Variants in DNM1 observed in about 807,000 individuals in gnomAD.
DNM1 encodes the protein dynamin 1, also known as dynamin-1.
Under a neutral mutation model 104.6 loss-of-function variants are expected in DNM1, and 29 were observed. That is an observed-to-expected ratio of 0.28 (90% confidence interval 0.21 to 0.38). The LOEUF (loss-of-function observed/expected upper bound fraction) is 0.38, where lower values mean the gene tolerates loss of function less well. Among genes scored for constraint, DNM1 ranks in the 10% least tolerant of loss-of-function variants. DNM1 has a pLI of 1.00. For missense variants in DNM1, 640 were observed against 1,189.4 expected (o/e 0.54, Z 6.79); for synonymous variants, 445 against 475.8 (o/e 0.94, Z 0.84).
intron 15 of DNM1, among the ~76,000 whole-genome samples, chr9:128,244,219 G>T (rs542587225): frequency 6.6e-6 from 1 of 151,748 alleles, no homozygotes; most frequent in East Asian, 1.9e-4. Context: ...AGGATGGGGG[G>T]AGTGTTCCAG....
Position 128,222,549 on chromosome 9 carries a change from C to T in DNM1, c.1081C>T (p.Arg361Cys). ...IDTYELSGGA[R>C]INRIFHERFP... ...CACCTACGAACTGTCAGGGGGAGCC[C>T]GCATTAACCGAATCTTCCACGAGCG... The change falls in exon 8 of 22, where the codon CGC becomes TGC. Residue 361 changes from arginine to cysteine, a missense_variant. Physicochemically the swap from Arg to Cys is radical, Grantham distance 180. Transcript: ENST00000372923. The surrounding 1 kb of genome is among the most constrained non-coding windows in gnomAD (Gnocchi z 7.8). 1 of 1,614,132 alleles carries T rather than the reference C, an allele frequency of 6.2e-7. No individual in the cohort carries two copies. Among genetic ancestry groups the T allele is most frequent in the Non-Finnish European group, 8.5e-7 (1 of 1,180,024 alleles).
Position 128,254,233 on chromosome 9 carries a change from C to A in DNM1, c.2535-421C>A. 7.3e-7 allele frequency: 1 copy of A among 1,360,614 alleles called. No homozygotes were observed. The highest frequency in any genetic ancestry group is 9.4e-7 in the Non-Finnish European group (1 of 1,066,352). 84.3% of individuals were successfully genotyped at this position (1,360,614 alleles called of 1,614,324 possible). A position where few individuals can be genotyped will look rare whatever the true frequency, so the allele number is the denominator to read the frequency against. ...CCTCCTGGTTCAAGCAGTGTTCTTT[C>A]TCTATCAGGCCTGGTGGCTGTTGCA... On this transcript the variant is annotated intron_variant, in intron 21 of 21. Coordinates refer to ENST00000372923, the MANE Select transcript of DNM1 (RefSeq NM_004408.4). The surrounding 1 kb of genome is among the most constrained non-coding windows in gnomAD (Gnocchi z 6.1).
intron 20 of DNM1, among the ~76,000 whole-genome samples, 181 bp from the exon 21 acceptor site, chr9:128,250,544 G>A (rs1370354495): frequency 6.6e-6 from 1 of 152,176 alleles, no homozygotes; most frequent in Non-Finnish European, 1.5e-5. Context: ...GCAAGGCTGG[G>A]TGGAGCTGGG....
rs966395496 is a variant in DNM1 at position 128,245,065 on chromosome 9, G to A, written c.1672-1329G>A. 6.9e-5 allele frequency: 18 copies of A among 261,674 alleles called. No individual in the cohort carries two copies. The highest frequency in any genetic ancestry group is 3.8e-4 in the African/African-American group (17 of 44,854). The allele number at this position is 261,674 out of a possible 1,614,324, so 16.2% of individuals were successfully genotyped here. A position where few individuals can be genotyped will look rare whatever the true frequency, so the allele number is the denominator to read the frequency against. ...GGCCGGCCGGCAGGAAGGGAGGGGT[G>A]GGGGGAGGAGGCCGCTCCTACCTAG... On this transcript the variant is annotated intron_variant, in intron 15 of 21. Transcript: ENST00000372923. This position sits in a 1 kb window ranked among gnomAD's most constrained non-coding sequence, Gnocchi z 5.2.
chr9:128,234,379 T>C (rs1043117348), intron 11 of DNM1, among the ~76,000 whole-genome samples: 4 of 152,276 alleles, frequency 2.6e-5, no homozygotes, highest in Non-Finnish European at 4.4e-5. Flanking sequence ...AACTGTTTTT[T>C]TGAGACAGAG....
Position 128,220,885 on chromosome 9 carries a change from TTTTCTTTCTTTC to T in DNM1, c.849+584_849+595del, listed in dbSNP as rs373253077. 0.13 allele frequency among the ~76,000 whole-genome samples: 15,097 copies of T among 117,584 alleles called. 1,091 individuals are homozygous for T. The highest frequency in any genetic ancestry group is 0.18 in the Non-Finnish European group (9,926 of 56,682). 77.1% of individuals were successfully genotyped at this position (117,584 alleles called of 152,430 possible). On this transcript the variant is annotated intron_variant, in intron 6 of 21. Coordinates refer to ENST00000372923, the MANE Select transcript of DNM1 (RefSeq NM_004408.4). The surrounding 1 kb of genome is among the most constrained non-coding windows in gnomAD (Gnocchi z 5.2). ...CCTCTATTTCTTTTTTCTTTATTTG[TTTTCTTTCTTTC>T]TTTCTTTCTTTCTTTCTTTCTTTCT... is the stretch of plus-strand genomic sequence containing the variant.
At chr9:128,214,790 C>T (rs947591710) in intron 1 of DNM1, among the ~76,000 whole-genome samples, 1 of 152,240 alleles carries the variant, frequency 6.6e-6, no homozygotes, top group African/African-American at 2.4e-5. Flanking sequence ...CAGCAGCCGC[C>T]CCTCCCACGC....
chr9:128,213,067 A>C (rs924632577), intron 1 of DNM1, among the ~76,000 whole-genome samples: 1 of 152,038 alleles, frequency 6.6e-6, no homozygotes, highest in Non-Finnish European at 1.5e-5. Flanking sequence ...TAAATATTTC[A>C]CGTATTTTCT....
At chr9:128,226,252 G>C in intron 10 of DNM1, 1 of 1,579,166 alleles carries the variant, frequency 6.3e-7, no homozygotes, top group South Asian at 1.2e-5. Context: ...AGAAGGATCT[G>C]CTGAGCCGGC....
chr9:128,235,529 G>C (rs1322644351), intron 11 of DNM1, among the ~76,000 whole-genome samples: 1 of 151,628 alleles, frequency 6.6e-6, no homozygotes, highest in African/African-American at 2.4e-5. Context: ...TTTAAGGCTT[G>C]AATAATATTC....
Position 128,247,629 on chromosome 9 carries a change from G to A in DNM1, c.1893+143G>A, listed in dbSNP as rs956721976. 1 of 751,234 alleles carries A rather than the reference G, an allele frequency of 1.3e-6. No individual in the cohort carries two copies. Among genetic ancestry groups the A allele is most frequent in the Non-Finnish European group, 2.2e-6 (1 of 456,862 alleles). 46.5% of individuals were successfully genotyped at this position (751,234 alleles called of 1,614,324 possible). ...AGGAATCCTCCCCCCTACCCACTCT[G>A]GGGGTGGGAACAGAGATAAGTCTCC... On this transcript the variant is annotated intron_variant, in intron 17 of 21. Coordinates refer to ENST00000372923, the MANE Select transcript of DNM1 (RefSeq NM_004408.4). The surrounding 1 kb of genome is among the most constrained non-coding windows in gnomAD (Gnocchi z 5.1).
At chr9:128,223,980 C>T (rs1437828439) in intron 9 of DNM1, 6 of 245,436 alleles carry the variant, frequency 2.4e-5, no homozygotes, top group Admixed American at 1.7e-4. Flanking sequence ...ACCCGGGAGG[C>T]GGAGGTTGCA....
In DNM1 at chr9:128,247,878, C is replaced by T; in HGVS notation, c.1894-46C>T. The stretch of plus-strand genomic sequence containing the variant: ...TCTCTGTGTTTCCTTCGGCTGTGCT[C>T]CCTGGTGGTGGCGGCGGTGGCAATG... On this transcript the variant is annotated intron_variant, in intron 17 of 21. Transcript: ENST00000372923. The surrounding 1 kb of genome is among the most constrained non-coding windows in gnomAD (Gnocchi z 5.1). 1.2e-6 allele frequency: 2 copies of T among 1,610,426 alleles called. No individual in the cohort carries two copies. The highest frequency in any genetic ancestry group is 1.7e-6 in the Non-Finnish European group (2 of 1,177,750).
rs781719400 is a variant in DNM1, at chr9:128,222,911, G to T, written c.1196+51G>T. On this transcript the variant is annotated intron_variant, in intron 9 of 21. Transcript: ENST00000372923. The surrounding 1 kb of genome is among the most constrained non-coding windows in gnomAD (Gnocchi z 7.8). Reference sequence around the variant, plus strand: ...GCTGAACCCCAGAAGTAGGGGGTCTGGGACAGAGGCACAGGGAGTGATGAA... The same window carrying T: ...GCTGAACCCCAGAAGTAGGGGGTCTTGGACAGAGGCACAGGGAGTGATGAA... 1.9e-6 allele frequency: 3 copies of T among 1,566,958 alleles called. No individual in the cohort carries two copies. The highest frequency in any genetic ancestry group is 1.4e-5 in the African/African-American group (1 of 73,982).
chr9:128,244,409 G>A (rs1329859896), intron 15 of DNM1, among the ~76,000 whole-genome samples: 1 of 151,990 alleles, frequency 6.6e-6, no homozygotes, highest in Non-Finnish European at 1.5e-5. Context: ...ATGTGGAGGT[G>A]GTCCAGGCTG....
chr9:128,226,802 G>A (rs952299995), intron 10 of DNM1, among the ~76,000 whole-genome samples: 2 of 152,062 alleles, frequency 1.3e-5, no homozygotes, highest in African/African-American at 4.8e-5. Flanking sequence ...GGCATTTTGA[G>A]GATTTTTAGC....
Position 128,254,530 on chromosome 9 carries a change from C to T in DNM1, c.2535-124C>T. The T allele has an allele frequency of 6.4e-7, 1 of 1,559,270 alleles. No individual in the cohort carries two copies. The highest frequency in any genetic ancestry group is 1.9e-5 in the Admixed American group (1 of 52,250). ...TTGCCACACCCACACCTGCAGCCTC[C>T]CCTCCCCGGCCCTCCCACCACTGCT... On this transcript the variant is annotated intron_variant, in intron 21 of 21. Transcript: ENST00000372923. The surrounding 1 kb of genome is among the most constrained non-coding windows in gnomAD (Gnocchi z 6.1).
intron 12 of DNM1, 65 bp downstream of exon 12, chr9:128,239,580 G>GTGTA (rs1836237499): frequency 9.7e-7 from 1 of 1,036,072 alleles, no homozygotes; most frequent in Non-Finnish European, 1.4e-6. Context: ...GTGTGTGTGT[G>GTGTA]TGTGTGTGTG....
At chr9:128,239,619 G>A in intron 12 of DNM1, 104 bp downstream of exon 12, 2 of 1,108,282 alleles carry the variant, frequency 1.8e-6, no homozygotes, top group African/African-American at 3.5e-5. Context: ...TGTGTGTGTA[G>A]AGCCCAGGTC....
Sources: gnomAD v4.1 joint callset for allele counts (sites outside exome capture counted in the v4.1 genomes callset) on GRCh38, gnomAD v4.1.1 for gene constraint, Gnocchi (gnomAD v3.1) non-coding constraint, MANE v1.5 for transcripts, NCBI Gene and HGNC (gene_info 2026-07-23, HGNC 2026-07-21) for gene names.